RNF144A: variants seen among roughly 807,000 people sequenced by gnomAD.
RNF144A encodes the protein E3 ubiquitin-protein ligase RNF144A.
Under a neutral mutation model 38.7 loss-of-function variants are expected in RNF144A, and 11 were observed. The observed-to-expected ratio is 0.28, with a 90% confidence interval of 0.18 to 0.47. RNF144A has a LOEUF of 0.47. Among genes scored for constraint, RNF144A ranks in the 20% least tolerant of loss-of-function variants. The pLI is 0.99. For missense variants in RNF144A, 316 were observed against 377.2 expected (o/e 0.84, Z 1.34); for synonymous variants, 149 against 143.9 (o/e 1.04, Z -0.25).
intron 1 of RNF144A, among the ~76,000 whole-genome samples, chr2:6,936,894 G>A (rs187006531): frequency 9.0e-4 from 131 of 145,284 alleles, no homozygotes; most frequent in Non-Finnish European, 1.4e-3. Flanking sequence ...AGGGCCAGGT[G>A]CGGTCTATAG....
intron 8 of RNF144A, among the ~76,000 whole-genome samples, chr2:7,032,164 C>A (rs1672346929): frequency 6.6e-6 from 1 of 152,274 alleles, no homozygotes; most frequent in South Asian, 2.1e-4. Context: ...GTTCTCTTTG[C>A]ACGTGGCCCG....
the RNF144A span, among the ~76,000 whole-genome samples, chr2:7,074,132 T>G: frequency 6.6e-6 from 1 of 152,196 alleles, no homozygotes; most frequent in Non-Finnish European, 1.5e-5. Context: ...TGAAACACAT[T>G]AAATCACAAT....
At chr2:7,039,097 TAGATGGGTAGATG>T (rs1317726623) in intron 8 of RNF144A, among the ~76,000 whole-genome samples, 2 of 150,158 alleles carry the variant, frequency 1.3e-5, no homozygotes, top group Non-Finnish European at 3.0e-5. Context: ...AGATGATGGT[TAGATGGGTAGATG>T]GATGGATGGA....
In RNF144A at chr2:6,958,234, T is replaced by C. The variant is rs1188817057; in HGVS notation, c.-12+17087T>C. Among the ~76,000 whole-genome samples, 1 of 152,166 alleles carries C rather than the reference T, an allele frequency of 6.6e-6. No homozygotes were observed. The highest frequency in any genetic ancestry group is 2.4e-5 in the African/African-American group (1 of 41,444). On this transcript the variant is annotated intron_variant, in intron 2 of 8. Coordinates refer to ENST00000320892, the MANE Select transcript of RNF144A (RefSeq NM_014746.6). This position sits in a 1 kb window ranked among gnomAD's most constrained non-coding sequence, Gnocchi z 4.5. ...AGCAGTCCCTTCTGCGGGGCTCTGC[T>C]CTGGGCTGGTGAAGGGACAGAAAGC...
intron 3 of RNF144A, among the ~76,000 whole-genome samples, chr2:6,997,574 G>A (rs560123800): frequency 6.6e-6 from 1 of 152,234 alleles, no homozygotes; most frequent in East Asian, 1.9e-4. Context: ...TGATCCTTCG[G>A]GGCTTAATGA....
Position 7,024,454 on chromosome 2 carries a change from G to A in RNF144A, c.595G>A (p.Ala199Thr), listed in dbSNP as rs752194795. 5.6e-6 allele frequency: 9 copies of A among 1,612,932 alleles called. No individual in the cohort carries two copies. The highest frequency in any genetic ancestry group is 1.7e-5 in the Admixed American group (1 of 60,020). Reference protein sequence around the residue: ...KVYIERDEGCAQMMCKNCKHA... With the variant: ...KVYIERDEGCTQMMCKNCKHA... Reference sequence around the variant, plus strand: ...CTACATCGAGCGAGACGAAGGCTGCGCGCAGATGATGTGCAAGAACTGCAA... The same window carrying A: ...CTACATCGAGCGAGACGAAGGCTGCACGCAGATGATGTGCAAGAACTGCAA... The change falls in exon 7 of 9, where the codon GCG (alanine) becomes ACG (threonine). Residue 199 changes from alanine to threonine, a missense_variant. By Grantham distance (58) the Ala-to-Thr change is moderately conservative (BLOSUM62 0). Coordinates refer to ENST00000320892, the MANE Select transcript of RNF144A (RefSeq NM_014746.6).
intron 1 of RNF144A, among the ~76,000 whole-genome samples, chr2:6,925,491 G>C (rs1359618337): frequency 1.3e-5 from 2 of 151,986 alleles, no homozygotes; most frequent in Non-Finnish European, 2.9e-5. Context: ...CTTTCTTCTT[G>C]TTATCATGTG....
intron 5 of RNF144A, among the ~76,000 whole-genome samples, chr2:7,019,272 C>T (rs1360286986): frequency 5.9e-5 from 9 of 152,182 alleles, no homozygotes; most frequent in Admixed American, 2.0e-4. Flanking sequence ...GCGTGTGCAC[C>T]GTCAGGACAC....
At chr2:6,956,292 G>C (rs374371396) in intron 2 of RNF144A, among the ~76,000 whole-genome samples, 26 of 152,166 alleles carry the variant, frequency 1.7e-4, no homozygotes, top group African/African-American at 6.3e-4. Flanking sequence ...TTACTTTCCT[G>C]TAAACTTCCT....
chr2:7,020,952 A>G (rs1671489073), intron 6 of RNF144A, among the ~76,000 whole-genome samples: 4 of 152,202 alleles, frequency 2.6e-5, no homozygotes, highest in Admixed American at 2.6e-4. Context: ...GGAATGACAA[A>G]TGCATGCGTG....
downstream of RNF144A, among the ~76,000 whole-genome samples, chr2:7,068,810 C>T (rs139127056): frequency 1.9e-3 from 288 of 152,240 alleles, no homozygotes; most frequent in Non-Finnish European, 3.6e-3. Context: ...TGGAGATGGC[C>T]ATTACGAGTC....
chr2:7,072,997 C>G (rs972970040), downstream of RNF144A, among the ~76,000 whole-genome samples: 4 of 152,196 alleles, frequency 2.6e-5, no homozygotes, highest in African/African-American at 9.7e-5. Flanking sequence ...TTGAACTTCA[C>G]TCTGTCCCAT....
intron 2 of RNF144A, among the ~76,000 whole-genome samples, chr2:6,959,342 A>G (rs75045778): frequency 0.011 from 1,719 of 152,330 alleles, 28 homozygotes; most frequent in African/African-American, 0.04. Flanking sequence ...AAAGTGGAGC[A>G]TGGCTCATTG....
intron 3 of RNF144A, among the ~76,000 whole-genome samples, chr2:7,008,428 C>T (rs1670587372): frequency 6.6e-6 from 1 of 152,248 alleles, no homozygotes; most frequent in Non-Finnish European, 1.5e-5. Flanking sequence ...TGATTAAGAA[C>T]CGCAGGCCTG....
chr2:7,075,555 G>A, the RNF144A span, among the ~76,000 whole-genome samples: 38 of 152,148 alleles, frequency 2.5e-4, no homozygotes, highest in Non-Finnish European at 4.9e-4. Flanking sequence ...TTTATAAGAA[G>A]AGGAAGAAAG....
intron 3 of RNF144A, among the ~76,000 whole-genome samples, chr2:6,999,934 C>T (rs1669994207): frequency 6.6e-6 from 1 of 152,226 alleles, no homozygotes; most frequent in Non-Finnish European, 1.5e-5. Flanking sequence ...ACTACCAAGG[C>T]ATCCCAGGTG....
chr2:7,052,797 A>G (rs1002523752), intron 6 of RNF144A, among the ~76,000 whole-genome samples: 1 of 151,836 alleles, frequency 6.6e-6, no homozygotes, highest in Non-Finnish European at 1.5e-5. Context: ...CTCAGCTTGT[A>G]TATGAAACAG....
At chr2:7,031,494 C>G (rs1343420686) in intron 8 of RNF144A, among the ~76,000 whole-genome samples, 3 of 152,158 alleles carry the variant, frequency 2.0e-5, no homozygotes, top group Non-Finnish European at 4.4e-5. Context: ...ACAGAGCAAC[C>G]CTGGATCTTG....
rs557332629 is a variant in RNF144A, at chr2:7,026,676, C to T, written c.657+2160C>T. ...ATTTGGAGGCTGCATTAGAAATGGA[C>T]TGACAGAAGTTTGGTTTCCCCAGGC... On this transcript the variant is annotated intron_variant, in intron 7 of 8. Coordinates refer to ENST00000320892, the MANE Select transcript of RNF144A (RefSeq NM_014746.6). 4.6e-5 allele frequency among the ~76,000 whole-genome samples: 7 copies of T among 152,278 alleles called. No homozygotes were observed. In the East Asian group the frequency reaches 1.4e-3, roughly 29 times the overall value.
Sources: gnomAD v4.1 joint callset for allele counts (sites outside exome capture counted in the v4.1 genomes callset) on GRCh38, gnomAD v4.1.1 for gene constraint, Gnocchi (gnomAD v3.1) non-coding constraint, MANE v1.5 for transcripts, NCBI Gene and HGNC (gene_info 2026-07-23, HGNC 2026-07-21) for gene names.